The following CSMD1 variants were observed in gnomAD, a reference collection of about 807,000 sequenced individuals.
CSMD1 encodes CUB and sushi domain-containing protein 1.
In CSMD1, 213 loss-of-function variants were observed where a neutral mutation model predicts 417.5. The ratio of observed to expected loss-of-function variants is 0.51; its 90% CI spans 0.46 to 0.57. The LOEUF (loss-of-function observed/expected upper bound fraction) is 0.57. CSMD1 is among the 20% of genes least tolerant of loss of function. The pLI, the probability that CSMD1 is intolerant of heterozygous loss-of-function variation, is 0.00. For missense variants in CSMD1, 6,923 were observed against 4,529.7 expected, an observed-to-expected ratio of 1.53 and a Z score of -15.17; for synonymous variants, 2,862 against 1,736.8, an observed-to-expected ratio of 1.65 and a Z score of -16.11.
chr8:2,960,390 T>C (rs996932047), intron 62 of CSMD1, among the ~76,000 whole-genome samples: 1 of 152,206 alleles, frequency 6.6e-6, no homozygotes, highest in African/African-American at 2.4e-5. Context: ...GGAAAGTGGC[T>C]GAGGAAGAAG....
At chr8:4,043,642 T>C (rs1166297838) in intron 3 of CSMD1, among the ~76,000 whole-genome samples, 1 of 152,230 alleles carries the variant, frequency 6.6e-6, no homozygotes, top group Non-Finnish European at 1.5e-5. Context: ...CATTTTTTAA[T>C]TCTAGGAGTG....
At chr8:3,499,636 T>A (rs1447651111) in intron 10 of CSMD1, among the ~76,000 whole-genome samples, 1 of 151,950 alleles carries the variant, frequency 6.6e-6, no homozygotes, top group Non-Finnish European at 1.5e-5. Context: ...GCATGCACTT[T>A]GGCTCCCCCT....
chr8:4,075,137 A>G (rs958790920), intron 3 of CSMD1, among the ~76,000 whole-genome samples: 3 of 152,218 alleles, frequency 2.0e-5, no homozygotes, highest in African/African-American at 7.2e-5. Context: ...AAATGATACG[A>G]AAAACTAAGC....
At chr8:3,667,626 T>A (rs1798767735) in intron 7 of CSMD1, among the ~76,000 whole-genome samples, 1 of 152,136 alleles carries the variant, frequency 6.6e-6, no homozygotes, top group South Asian at 2.1e-4. Context: ...GTCCTCCTCC[T>A]TATTTGGGTT....
chr8:3,671,297 C>T (rs1305469171), intron 7 of CSMD1, among the ~76,000 whole-genome samples: 2 of 147,488 alleles, frequency 1.4e-5, no homozygotes, highest in East Asian at 4.0e-4. Context: ...ACATCACAGG[C>T]ACCTGATAAA....
At chr8:3,148,759 C>A (rs925095659) in intron 40 of CSMD1, among the ~76,000 whole-genome samples, 2 of 152,178 alleles carry the variant, frequency 1.3e-5, no homozygotes, top group Non-Finnish European at 2.9e-5. Flanking sequence ...ATCATAATTC[C>A]AAATGTTGAC....
intron 18 of CSMD1, among the ~76,000 whole-genome samples, chr8:3,379,200 G>A (rs1810486876): frequency 1.3e-5 from 2 of 152,080 alleles, no homozygotes; most frequent in African/African-American, 2.4e-5. Flanking sequence ...GGGATGTGAA[G>A]GATCTCTTCA....
At chr8:3,723,861 T>C (rs931656921) in intron 6 of CSMD1, among the ~76,000 whole-genome samples, 6 of 152,124 alleles carry the variant, frequency 3.9e-5, no homozygotes, top group African/African-American at 1.2e-4. Flanking sequence ...AAATGCAAAA[T>C]AGACCAACAC....
chr8:4,413,725 T>C (rs1039685709), intron 3 of CSMD1, among the ~76,000 whole-genome samples: 2 of 152,046 alleles, frequency 1.3e-5, no homozygotes, highest in Non-Finnish European at 2.9e-5. Flanking sequence ...TGATTAGGGG[T>C]TCTAATACAG....
chr8:3,555,344 G>A (rs1473565652), intron 10 of CSMD1, among the ~76,000 whole-genome samples: 1 of 152,030 alleles, frequency 6.6e-6, no homozygotes, highest in Non-Finnish European at 1.5e-5. Context: ...ACACGTTCAG[G>A]GTATTTCTGG....
At chr8:4,509,008 G>A in intron 2 of CSMD1, among the ~76,000 whole-genome samples, 1 of 152,038 alleles carries the variant, frequency 6.6e-6, no homozygotes, top group East Asian at 1.9e-4. Flanking sequence ...TGTTACCAGG[G>A]TGAGAAAAGA....
intron 2 of CSMD1, among the ~76,000 whole-genome samples, chr8:4,602,022 C>G (rs1800616445): frequency 6.6e-6 from 1 of 152,142 alleles, no homozygotes; most frequent in African/African-American, 2.4e-5. Context: ...ATGACATTTG[C>G]TAGCAGGCAT....
chr8:4,022,096 C>T (rs78341167), intron 4 of CSMD1, among the ~76,000 whole-genome samples: 14 of 145,226 alleles, frequency 9.6e-5, no homozygotes, highest in South Asian at 4.3e-4. Context: ...CACACACACA[C>T]ATATATATAT....
chr8:3,424,706 G>A (rs540814698), intron 12 of CSMD1, among the ~76,000 whole-genome samples: 3 of 152,308 alleles, frequency 2.0e-5, no homozygotes, highest in South Asian at 2.1e-4. Flanking sequence ...TTTCTATCAG[G>A]AAGGAATTGT....
chr8:4,749,396 C>T (rs559644923), intron 1 of CSMD1, among the ~76,000 whole-genome samples: 1 of 152,340 alleles, frequency 6.6e-6, no homozygotes, highest in South Asian at 2.1e-4. Context: ...ATAGTGTAAA[C>T]ACTTCATATA....
intron 5 of CSMD1, among the ~76,000 whole-genome samples, chr8:3,990,087 C>T (rs2627380): frequency 0.57 from 86,139 of 152,022 alleles, 24,572 homozygotes; most frequent in East Asian, 0.62. Context: ...GCAATGGCCC[C>T]TCAGAAGGCA....
At chr8:4,285,063 A>C (rs1328191495) in intron 3 of CSMD1, among the ~76,000 whole-genome samples, 3 of 152,218 alleles carry the variant, frequency 2.0e-5, no homozygotes, top group Admixed American at 6.5e-5. Flanking sequence ...CACAATAGTC[A>C]GAATGATGCC....
At chr8:4,712,241 G>C (rs1451203645) in intron 1 of CSMD1, among the ~76,000 whole-genome samples, 2 of 152,186 alleles carry the variant, frequency 1.3e-5, no homozygotes, top group Non-Finnish European at 1.5e-5. Context: ...AGTGCAAATA[G>C]CATCATTCAA....
chr8:4,589,115 G>A (rs1015707979), intron 2 of CSMD1, among the ~76,000 whole-genome samples: 28 of 152,044 alleles, frequency 1.8e-4, no homozygotes, highest in East Asian at 7.7e-4. Flanking sequence ...ATTTGTAAAT[G>A]TTTCAAAAAG....
Sources: allele counts gnomAD v4.1 joint callset (sites outside exome capture counted in the v4.1 genomes callset), GRCh38; gene constraint gnomAD v4.1.1; transcripts MANE v1.5; gene names NCBI Gene and HGNC (gene_info 2026-07-23, HGNC 2026-07-21).